LAMA1: variants seen among roughly 807,000 people sequenced by gnomAD.
LAMA1 encodes laminin subunit alpha-1.
In LAMA1, 219 loss-of-function variants were observed where a neutral mutation model predicts 348.7. That is an observed-to-expected ratio of 0.63 (90% CI 0.56 to 0.70). The LOEUF (loss-of-function observed/expected upper bound fraction) is 0.70, where lower values mean the gene tolerates loss of function less well. LAMA1 is among the 30% of genes least tolerant of loss of function. The pLI is 0.00. For missense variants in LAMA1, 3,744 were observed against 3,888.0 expected (o/e 0.96, Z 0.99); for synonymous variants, 1,487 against 1,491.0 (o/e 1.00, Z 0.06).
In LAMA1 at chr18:7,034,652, C is replaced by T; in HGVS notation, c.1878G>A (p.Leu626=). Residue 626 remains leucine, a synonymous_variant, in exon 14 of 63, where the codon CTG becomes CTA. Coordinates refer to ENST00000389658, the MANE Select transcript of LAMA1 (RefSeq NM_005559.4). ...GGTACTCTTCATAAGGCTGCAATGA[C>T]AGACCCTCAGCCTGTGTGCTTAAAG... ...GLTLSTQAEG[L]SLQPYEEYLN... is the part of the protein sequence containing the mutation. 6.2e-7 allele frequency: 1 copy of T among 1,614,192 alleles called. No individual in the cohort carries two copies. The highest frequency in any genetic ancestry group is 8.5e-7 in the Non-Finnish European group (1 of 1,180,030).
At chr18:7,012,307 A>G (rs2057864374) in intron 23 of LAMA1, among the ~76,000 whole-genome samples, 169 bp from the exon 24 acceptor site, 2 of 152,058 alleles carry the variant, frequency 1.3e-5, no homozygotes, top group African/African-American at 4.8e-5. Context: ...GTTTTCTCAA[A>G]GATCCAATCA....
At chr18:7,087,943 T>C (rs1598313473) in intron 1 of LAMA1, among the ~76,000 whole-genome samples, 1 of 152,368 alleles carries the variant, frequency 6.6e-6, no homozygotes, top group South Asian at 2.1e-4. Flanking sequence ...ATTATGTTCA[T>C]ATTATCAGGG....
intron 42 of LAMA1, among the ~76,000 whole-genome samples, chr18:6,979,173 G>A (rs1395114866): frequency 1.3e-5 from 2 of 151,866 alleles, no homozygotes; most frequent in African/African-American, 4.8e-5. Context: ...AATATACCAT[G>A]GCATCCTTAT....
chr18:6,945,605 G>C (rs2057518076), intron 61 of LAMA1, among the ~76,000 whole-genome samples: 1 of 152,188 alleles, frequency 6.6e-6, no homozygotes, highest in Non-Finnish European at 1.5e-5. Context: ...TAGTTAGGTA[G>C]AGAGAGGACC....
At chr18:7,090,685 CAGAG>C (rs568521876) in intron 1 of LAMA1, among the ~76,000 whole-genome samples, 1 of 129,778 alleles carries the variant, frequency 7.7e-6, no homozygotes, top group African/African-American at 2.9e-5. Context: ...AGAAAGAGAA[CAGAG>C]AGAGAGAGAG....
chr18:6,942,287 TGCGATCCATA>T (rs2057502141), intron 62 of LAMA1, 48 bp from the exon 63 acceptor site: 1 of 1,597,644 alleles, frequency 6.3e-7, no homozygotes. Flanking sequence ...TTTGTTGAAA[TGCGATCCATA>T]GCACAAAAGC....
At chr18:6,979,461 A>G (rs1039128829) in intron 42 of LAMA1, among the ~76,000 whole-genome samples, 1 of 152,250 alleles carries the variant, frequency 6.6e-6, no homozygotes, top group Non-Finnish European at 1.5e-5. Context: ...TGAGGCCAAG[A>G]GTTCAAGGCC....
chr18:6,984,997 C>T (rs907709979), intron 39 of LAMA1, among the ~76,000 whole-genome samples: 1 of 152,172 alleles, frequency 6.6e-6, no homozygotes, highest in African/African-American at 2.4e-5. Context: ...TAATATTATA[C>T]TGTAGCATAT....
At chr18:7,109,721 T>A (rs906697540) in intron 1 of LAMA1, among the ~76,000 whole-genome samples, 9 of 151,928 alleles carry the variant, frequency 5.9e-5, no homozygotes, top group Non-Finnish European at 1.3e-4. Context: ...CAGAAAGGTG[T>A]GGAGAAGGGC....
chr18:6,957,684 C>G (rs1273333322), intron 55 of LAMA1, among the ~76,000 whole-genome samples: 6 of 152,178 alleles, frequency 3.9e-5, no homozygotes, highest in Admixed American at 3.9e-4. Flanking sequence ...AGCACCCTGT[C>G]CAGAGGCAGA....
rs2057500169 is a variant in LAMA1 at position 6,941,948 on chromosome 18, CACA to C, written c.*128_*130del. 6.0e-6 allele frequency: 7 copies of C among 1,157,906 alleles called. No homozygotes were observed. In the East Asian group the frequency reaches 7.0e-5, roughly 12 times the overall value. The allele number at this position is 1,157,906 out of a possible 1,614,324, so 71.7% of individuals were successfully genotyped here. A position where few individuals can be genotyped will look rare whatever the true frequency, so the allele number is the denominator to read the frequency against. ...ACATGTGGTTTTAGTGTAACGTAAACACAACATCTCTCCCCAGAAACACTTAAC... is the reference window on the plus strand; with the variant it reads ...ACATGTGGTTTTAGTGTAACGTAAACACATCTCTCCCCAGAAACACTTAAC... On this transcript the variant is annotated 3_prime_UTR_variant, in exon 63 of 63. Transcript: ENST00000389658.
chr18:7,113,921 C>CA (rs1394174028), intron 1 of LAMA1, among the ~76,000 whole-genome samples: 2 of 151,672 alleles, frequency 1.3e-5, no homozygotes, highest in African/African-American at 4.8e-5. Flanking sequence ...CTAAAGAATA[C>CA]AAAAAATTAG....
At chr18:7,110,400 G>A (rs58051284) in intron 1 of LAMA1, among the ~76,000 whole-genome samples, 1,869 of 152,262 alleles carry the variant, frequency 0.012, 38 homozygotes, top group African/African-American at 0.042. Context: ...AGAATGCCAA[G>A]AACAGGAGAA....
At chr18:6,971,222 G>C (rs555808464) in intron 48 of LAMA1, among the ~76,000 whole-genome samples, 1 of 150,968 alleles carries the variant, frequency 6.6e-6, no homozygotes, top group South Asian at 2.1e-4. Context: ...TAATGGGTTG[G>C]GGGGGAAGAT....
chr18:6,965,818 C>T (rs891631311), intron 49 of LAMA1: 6 of 401,130 alleles, frequency 1.5e-5, no homozygotes, highest in African/African-American at 4.1e-5. Context: ...AACAATGTCA[C>T]GGTGGTCACA....
intron 19 of LAMA1, among the ~76,000 whole-genome samples, chr18:7,018,267 C>T (rs1227316704): frequency 7.7e-5 from 9 of 116,506 alleles, no homozygotes; most frequent in Non-Finnish European, 1.1e-4. Flanking sequence ...ACCTGGGAGG[C>T]GGAGGTTGCA....
chr18:7,029,084 T>TCG (rs1180553763), intron 16 of LAMA1, among the ~76,000 whole-genome samples: 3 of 152,244 alleles, frequency 2.0e-5, no homozygotes, highest in Non-Finnish European at 4.4e-5. Flanking sequence ...TTGTAAGCAT[T>TCG]TGTATTACAT....
intron 1 of LAMA1, among the ~76,000 whole-genome samples, chr18:7,098,189 CG>C (rs1411549680): frequency 9.9e-5 from 15 of 152,028 alleles, no homozygotes; most frequent in African/African-American, 1.4e-4. Flanking sequence ...GGCGTGATCT[CG>C]GCTCGCTACA....
Position 6,958,608 on chromosome 18 carries a change from T to G in LAMA1, c.7833A>C (p.Thr2611=). The G allele has an allele frequency of 4.3e-6, 7 of 1,614,234 alleles. No individual in the cohort carries two copies. The highest frequency in any genetic ancestry group is 1.1e-5 in the South Asian group (1 of 91,086). The change falls in exon 55 of 63, where the codon ACA becomes ACC. Residue 2611 remains threonine, a synonymous_variant. Coordinates refer to ENST00000389658, the MANE Select transcript of LAMA1 (RefSeq NM_005559.4). ...ENNPVEMKLG[T]LVESRTINVS... is the part of the protein sequence containing the mutation. ...CATTTATCGTCCTGCTTTCTACTAATGTGCCCAACTTCATTTCCACAGGAT... is the reference window on the plus strand; with the variant it reads ...CATTTATCGTCCTGCTTTCTACTAAGGTGCCCAACTTCATTTCCACAGGAT...
Sources: allele counts gnomAD v4.1 joint callset (sites outside exome capture counted in the v4.1 genomes callset), GRCh38; gene constraint gnomAD v4.1.1; transcripts MANE v1.5; gene names NCBI Gene and HGNC (gene_info 2026-07-23, HGNC 2026-07-21).